Variants in FRMD6 observed in about 807,000 individuals in gnomAD.
The protein encoded by FRMD6 is FERM domain-containing protein 6.
Under a neutral mutation model 73.2 loss-of-function variants are expected in FRMD6, and 37 were observed. The ratio of observed to expected loss-of-function variants is 0.51; its 90% CI spans 0.39 to 0.66. FRMD6 has a LOEUF of 0.66. FRMD6 is among the 30% of genes least tolerant of loss of function. The pLI, the probability that FRMD6 is intolerant of heterozygous loss-of-function variation, is 0.00. For synonymous variants in FRMD6, 273 were observed against 282.2 expected (o/e 0.97, Z 0.33); for missense variants, 714 against 780.5 (o/e 0.91, Z 1.02).
chr14:51,403,188 A>G, the FRMD6 span, among the ~76,000 whole-genome samples: 1 of 152,222 alleles, frequency 6.6e-6, no homozygotes, highest in South Asian at 2.1e-4. Context: ...GTTTAAGAAA[A>G]ATAGTTCATC....
At chr14:51,457,230 A>G in the FRMD6 span, among the ~76,000 whole-genome samples, 1 of 152,242 alleles carries the variant, frequency 6.6e-6, no homozygotes, top group East Asian at 1.9e-4. Context: ...GTATCAAAGC[A>G]TCACAATATA....
At chr14:51,504,976 A>G (rs530722618) in intron 1 of FRMD6, among the ~76,000 whole-genome samples, 2 of 152,292 alleles carry the variant, frequency 1.3e-5, no homozygotes, top group African/African-American at 4.8e-5. Context: ...CTCAGGTCCT[A>G]GGCTTACATC....
At chr14:51,421,673 C>T in the FRMD6 span, among the ~76,000 whole-genome samples, 1 of 152,226 alleles carries the variant, frequency 6.6e-6, no homozygotes, top group East Asian at 1.9e-4. Context: ...AGTGACACAT[C>T]TGTGTCATGA....
intron 2 of FRMD6, among the ~76,000 whole-genome samples, chr14:51,610,659 A>T (rs1329564598): frequency 6.6e-6 from 1 of 152,214 alleles, no homozygotes; most frequent in Non-Finnish European, 1.5e-5. Context: ...AATTCTCTAC[A>T]TAAGTCAAAA....
At chr14:51,427,743 G>A in the FRMD6 span, among the ~76,000 whole-genome samples, 3 of 152,190 alleles carry the variant, frequency 2.0e-5, no homozygotes, top group African/African-American at 4.8e-5. Context: ...GTGCTGTCTT[G>A]TGAAAGGTAA....
At chr14:51,712,146 T>C (rs965393231) in intron 8 of FRMD6, among the ~76,000 whole-genome samples, 12 of 152,214 alleles carry the variant, frequency 7.9e-5, no homozygotes, top group African/African-American at 2.9e-4. Context: ...GGATGTCTTA[T>C]CTTTGATGTA....
intron 2 of FRMD6, among the ~76,000 whole-genome samples, chr14:51,616,539 G>C (rs1028088746): frequency 6.6e-6 from 1 of 152,172 alleles, no homozygotes; most frequent in East Asian, 1.9e-4. Flanking sequence ...CAATCTGCAA[G>C]GGATGCTCCT....
chr14:51,573,750 C>A (rs996307180), intron 2 of FRMD6, among the ~76,000 whole-genome samples: 3 of 152,094 alleles, frequency 2.0e-5, no homozygotes, highest in African/African-American at 7.2e-5. Context: ...GGACGCTTAC[C>A]TTAAATGAAG....
At chr14:51,475,218 C>T in the FRMD6 span, among the ~76,000 whole-genome samples, 1 of 152,198 alleles carries the variant, frequency 6.6e-6, no homozygotes, top group African/African-American at 2.4e-5. Context: ...ATCCAGGAGA[C>T]TATGCCATTT....
At chr14:51,638,365 G>A (rs1338546385) in intron 2 of FRMD6, among the ~76,000 whole-genome samples, 2 of 152,164 alleles carry the variant, frequency 1.3e-5, no homozygotes, top group Admixed American at 1.3e-4. Flanking sequence ...CAATGCCAGT[G>A]CAAACAGTAA....
chr14:51,713,162 A>G (rs1394678893), intron 9 of FRMD6, among the ~76,000 whole-genome samples: 1 of 152,142 alleles, frequency 6.6e-6, no homozygotes, highest in Non-Finnish European at 1.5e-5. Flanking sequence ...TGGTCATAAA[A>G]ATTCATAGTT....
chr14:51,702,428 A>G, intron 4 of FRMD6, 84 bp from the exon 5 acceptor site: 1 of 1,073,934 alleles, frequency 9.3e-7, no homozygotes, highest in Admixed American at 1.8e-5. Context: ...GTATCTTGCA[A>G]ATAATTGTAT....
At chr14:51,707,766 C>A (rs571142846) in intron 6 of FRMD6, among the ~76,000 whole-genome samples, 1 of 152,148 alleles carries the variant, frequency 6.6e-6, no homozygotes, top group South Asian at 2.1e-4. Context: ...ATTATGTGTA[C>A]AAAATTATGA....
chr14:51,645,243 G>A (rs919684223), intron 2 of FRMD6, among the ~76,000 whole-genome samples: 3 of 152,160 alleles, frequency 2.0e-5, no homozygotes, highest in Admixed American at 6.5e-5. Context: ...GAGAAACAGC[G>A]ATCTTATGTC....
chr14:51,615,091 G>A (rs1890655565), intron 2 of FRMD6, among the ~76,000 whole-genome samples: 3 of 152,180 alleles, frequency 2.0e-5, no homozygotes, highest in East Asian at 1.9e-4. Context: ...GAGAGTTTAA[G>A]AGGAAAATAA....
chr14:51,678,059 A>T (rs1894515779), intron 1 of FRMD6, among the ~76,000 whole-genome samples: 1 of 152,180 alleles, frequency 6.6e-6, no homozygotes, highest in Non-Finnish European at 1.5e-5. Context: ...TTATTTAACT[A>T]GTCCTGTTGT....
At chr14:51,532,795 A>G (rs1378578209) in intron 1 of FRMD6, among the ~76,000 whole-genome samples, 1 of 152,194 alleles carries the variant, frequency 6.6e-6, no homozygotes, top group East Asian at 1.9e-4. Flanking sequence ...CAAGCTTCAG[A>G]TCTGGCCCAC....
At chr14:51,673,071 C>G (rs1199725436) in intron 1 of FRMD6, among the ~76,000 whole-genome samples, 3 of 152,238 alleles carry the variant, frequency 2.0e-5, no homozygotes, top group East Asian at 3.9e-4. Flanking sequence ...AGAGTTGGTT[C>G]AGGGCAGCCT....
intron 1 of FRMD6, among the ~76,000 whole-genome samples, chr14:51,509,529 AAAAC>A (rs1434562676): frequency 4.7e-4 from 10 of 21,100 alleles, no homozygotes; most frequent in Admixed American, 1.2e-3. Context: ...TCCGTCTCAA[AAAAC>A]AAAACAAAAC....
Sources: gnomAD v4.1 joint callset for allele counts (sites outside exome capture counted in the v4.1 genomes callset) on GRCh38, gnomAD v4.1.1 for gene constraint, MANE v1.5 for transcripts, NCBI Gene and HGNC (gene_info 2026-07-23, HGNC 2026-07-21) for gene names.